The following SGCZ variants were observed in gnomAD, a reference collection of about 807,000 sequenced individuals.
The protein encoded by SGCZ is zeta-sarcoglycan.
A neutral mutation model predicts 41.3 loss-of-function variants in SGCZ; 40 were observed. The ratio of observed to expected loss-of-function variants is 0.97; its 90% CI spans 0.75 to 1.26. The LOEUF is 1.26. Among genes scored for constraint, SGCZ ranks in the 50% most tolerant of loss-of-function variants. The pLI is 0.00. For synonymous variants in SGCZ, 206 were observed against 137.5 expected, an observed-to-expected ratio of 1.50 and a Z score of -3.49; for missense variants, 552 against 369.8, an observed-to-expected ratio of 1.49 and a Z score of -4.04.
intron 1 of SGCZ, among the ~76,000 whole-genome samples, chr8:14,617,723 G>C (rs1806150952): frequency 6.6e-6 from 1 of 152,100 alleles, no homozygotes; most frequent in Non-Finnish European, 1.5e-5. Context: ...GAAATGCAAA[G>C]AGATAGGAAA....
intron 1 of SGCZ, among the ~76,000 whole-genome samples, chr8:14,825,393 C>G (rs1464915986): frequency 6.6e-6 from 1 of 152,098 alleles, no homozygotes; most frequent in African/African-American, 2.4e-5. Context: ...TAATACGGAA[C>G]TTACTGAAGA....
At chr8:14,789,809 G>A (rs926349656) in intron 1 of SGCZ, among the ~76,000 whole-genome samples, 1 of 151,876 alleles carries the variant, frequency 6.6e-6, no homozygotes, top group African/African-American at 2.4e-5. Context: ...CAAAATAAGT[G>A]GTATAAACTT....
intron 1 of SGCZ, among the ~76,000 whole-genome samples, chr8:15,093,247 T>C (rs1315245255): frequency 1.3e-5 from 2 of 152,226 alleles, no homozygotes; most frequent in Non-Finnish European, 2.9e-5. Context: ...TCACTGAAAG[T>C]CACAAATACA....
At chr8:14,793,891 T>C (rs1016531847) in intron 1 of SGCZ, among the ~76,000 whole-genome samples, 2 of 152,138 alleles carry the variant, frequency 1.3e-5, no homozygotes, top group African/African-American at 4.8e-5. Context: ...ATGATGAATA[T>C]ATGCTTAAGA....
chr8:14,973,851 G>T (rs541326412), intron 1 of SGCZ, among the ~76,000 whole-genome samples: 60 of 152,050 alleles, frequency 3.9e-4, no homozygotes, highest in Non-Finnish European at 8.2e-4. Flanking sequence ...GATTTATTTA[G>T]TTGAACCCAG....
chr8:14,505,260 G>A (rs181177981), intron 2 of SGCZ, among the ~76,000 whole-genome samples: 1 of 152,250 alleles, frequency 6.6e-6, no homozygotes, highest in East Asian at 1.9e-4. Flanking sequence ...TTTGAAATAT[G>A]TGTATATGTG....
chr8:14,707,568 T>C (rs575329073), intron 1 of SGCZ, among the ~76,000 whole-genome samples: 1 of 152,256 alleles, frequency 6.6e-6, no homozygotes, highest in East Asian at 1.9e-4. Flanking sequence ...AATTCACAAA[T>C]ACTTTTTTTG....
intron 2 of SGCZ, among the ~76,000 whole-genome samples, chr8:14,426,737 C>T (rs1230602220): frequency 6.6e-6 from 1 of 151,900 alleles, no homozygotes; most frequent in Non-Finnish European, 1.5e-5. Flanking sequence ...CAGCAGGCAA[C>T]TGGAAGTAAT....
chr8:15,223,769 G>A (rs1054612247), intron 1 of SGCZ, among the ~76,000 whole-genome samples: 1 of 152,116 alleles, frequency 6.6e-6, no homozygotes, highest in African/African-American at 2.4e-5. Context: ...AGTCATTACA[G>A]AATATGTATT....
chr8:15,167,850 G>T (rs140508486), intron 1 of SGCZ, among the ~76,000 whole-genome samples: 32 of 152,300 alleles, frequency 2.1e-4, no homozygotes, highest in African/African-American at 7.2e-4. Flanking sequence ...AAGAACACGA[G>T]GGATGGGTAA....
intron 1 of SGCZ, among the ~76,000 whole-genome samples, chr8:15,022,982 C>T (rs1192134833): frequency 6.6e-6 from 1 of 152,074 alleles, no homozygotes; most frequent in African/African-American, 2.4e-5. Flanking sequence ...ATTTGTCAGC[C>T]CTATACTAAA....
intron 1 of SGCZ, among the ~76,000 whole-genome samples, chr8:14,870,595 T>C (rs998606322): frequency 6.6e-6 from 1 of 152,028 alleles, no homozygotes; most frequent in African/African-American, 2.4e-5. Flanking sequence ...TAGGATCTAA[T>C]TAAACTAAAG....
chr8:14,712,257 G>C (rs554243425), intron 1 of SGCZ, among the ~76,000 whole-genome samples: 22 of 152,128 alleles, frequency 1.4e-4, no homozygotes, highest in African/African-American at 5.3e-4. Flanking sequence ...CCCTCCTTCA[G>C]CTCCGTCCTG....
At chr8:14,652,120 T>C (rs961318421) in intron 1 of SGCZ, among the ~76,000 whole-genome samples, 1 of 151,576 alleles carries the variant, frequency 6.6e-6, no homozygotes, top group Non-Finnish European at 1.5e-5. Context: ...AATAAATGCA[T>C]GATAAATTAT....
intron 1 of SGCZ, among the ~76,000 whole-genome samples, chr8:14,648,281 G>T (rs1000066633): frequency 6.6e-6 from 1 of 152,084 alleles, no homozygotes; most frequent in Non-Finnish European, 1.5e-5. Context: ...CTAGATGATG[G>T]ATATATTTAT....
chr8:14,375,520 T>A (rs115601224), intron 2 of SGCZ, among the ~76,000 whole-genome samples: 5,192 of 152,210 alleles, frequency 0.034, 231 homozygotes, highest in African/African-American at 0.11. Flanking sequence ...GTCGAATAAT[T>A]AAAATAAAAC....
chr8:15,040,041 C>A (rs1379412402), intron 1 of SGCZ, among the ~76,000 whole-genome samples: 1 of 152,076 alleles, frequency 6.6e-6, no homozygotes, highest in Non-Finnish European at 1.5e-5. Context: ...TTTGAAAATG[C>A]AAACTTAATG....
chr8:14,793,332 T>C (rs1326936289), intron 1 of SGCZ, among the ~76,000 whole-genome samples: 2 of 152,302 alleles, frequency 1.3e-5, no homozygotes, highest in South Asian at 2.1e-4. Context: ...TTTCACATCA[T>C]GATCAATGTT....
chr8:14,864,600 G>A (rs140789718), intron 1 of SGCZ, among the ~76,000 whole-genome samples: 25 of 152,210 alleles, frequency 1.6e-4, no homozygotes, highest in Admixed American at 1.5e-3. Context: ...TTTGTTTGTA[G>A]GGTTTTTAAA....
Sources: allele counts gnomAD v4.1 joint callset (sites outside exome capture counted in the v4.1 genomes callset), GRCh38; gene constraint gnomAD v4.1.1; transcripts MANE v1.5; gene names NCBI Gene and HGNC (gene_info 2026-07-23, HGNC 2026-07-21).